Variants in CDH2 observed in about 807,000 individuals in gnomAD.
CDH2 encodes the protein cadherin-2.
CDH2 carries 17 observed loss-of-function variants against 92.0 expected under a neutral mutation model. That is an observed-to-expected ratio of 0.18 (90% CI 0.13 to 0.28). The LOEUF (loss-of-function observed/expected upper bound fraction) is 0.28, where lower values mean the gene tolerates loss of function less well. Among genes scored for constraint, CDH2 ranks in the 10% least tolerant of loss-of-function variants. CDH2 has a pLI of 1.00. For missense variants in CDH2, 862 were observed against 1,133.1 expected (o/e 0.76, Z 3.44); for synonymous variants, 419 against 415.9 (o/e 1.01, Z -0.09).
chr18:28,017,063 T>C (rs1235887512), intron 2 of CDH2, among the ~76,000 whole-genome samples: 2 of 152,102 alleles, frequency 1.3e-5, no homozygotes, highest in African/African-American at 2.4e-5. Flanking sequence ...ATGTTCATCA[T>C]TGCTCTGTTG....
intron 2 of CDH2, among the ~76,000 whole-genome samples, chr18:28,123,635 G>C (rs186293489): frequency 6.6e-6 from 1 of 152,086 alleles, no homozygotes; most frequent in Admixed American, 6.6e-5. Context: ...AATTTTGATC[G>C]TGCTTTAGAA....
At chr18:27,961,964 A>T (rs1484025545) in intron 15 of CDH2, among the ~76,000 whole-genome samples, 2 of 152,116 alleles carry the variant, frequency 1.3e-5, no homozygotes, top group Admixed American at 1.3e-4. Context: ...ATTAAAAAAA[A>T]ATTGTAAGGT....
chr18:28,076,995 T>G (rs1275054265), intron 2 of CDH2, among the ~76,000 whole-genome samples: 1 of 152,194 alleles, frequency 6.6e-6, no homozygotes. Flanking sequence ...ATCATTAGCA[T>G]AATTATCTTA....
chr18:28,098,631 A>C (rs1471408357), intron 2 of CDH2, among the ~76,000 whole-genome samples: 2 of 152,108 alleles, frequency 1.3e-5, no homozygotes, highest in Non-Finnish European at 2.9e-5. Context: ...TAGGAACACT[A>C]GACAGCACTT....
In CDH2 at chr18:27,945,460, T is replaced by C. The variant is rs182836593; in HGVS notation, c.1152-12336A>G. 3.3e-5 allele frequency among the ~76,000 whole-genome samples: 5 copies of C among 151,018 alleles called. No individual in the cohort carries two copies. The East Asian group carries it at 9.9e-4, about 30-fold the overall frequency. On this transcript the variant is annotated intron_variant, in intron 6 of 6. Coordinates refer to the CDH2 transcript ENST00000675173. ...GAGTCAAAAAAGTGACAGTTCAGGA[T>C]CACATGAACTCTAAGGTCTTCCAGT...
chr18:27,935,418 TA>T (rs1908994509), intron 6 of CDH2, among the ~76,000 whole-genome samples: 1 of 152,126 alleles, frequency 6.6e-6, no homozygotes, highest in African/African-American at 2.4e-5. Flanking sequence ...CAAGACAGCA[TA>T]GGGGGATAGT....
At chr18:28,036,493 G>C in intron 2 of CDH2, 1 of 1,592,506 alleles carries the variant, frequency 6.3e-7, no homozygotes, top group Non-Finnish European at 8.6e-7. Context: ...ATACAATTCT[G>C]CTTGGTTCTT....
At chr18:28,025,644 A>G (rs1052704209) in intron 2 of CDH2, among the ~76,000 whole-genome samples, 1 of 151,534 alleles carries the variant, frequency 6.6e-6, no homozygotes, top group African/African-American at 2.4e-5. Context: ...ATACATACTT[A>G]TAGGGTACAG....
chr18:28,020,321 T>A (rs971010662), intron 2 of CDH2, among the ~76,000 whole-genome samples: 1 of 152,044 alleles, frequency 6.6e-6, no homozygotes, highest in African/African-American at 2.4e-5. Context: ...AGTTATATAT[T>A]TTTTAGTTCA....
intron 2 of CDH2, among the ~76,000 whole-genome samples, chr18:28,078,971 G>A (rs139911576): frequency 1.8e-3 from 278 of 152,216 alleles, no homozygotes; most frequent in African/African-American, 5.2e-3. Flanking sequence ...ACTTTCAACT[G>A]TCATTATCTG....
chr18:28,031,111 G>C (rs1435345231), intron 2 of CDH2, among the ~76,000 whole-genome samples: 3 of 151,100 alleles, frequency 2.0e-5, no homozygotes, highest in Admixed American at 6.7e-5. Flanking sequence ...CTGCCTGCTT[G>C]CCATCTCCAC....
chr18:27,995,431 C>T (rs752093096), intron 7 of CDH2, among the ~76,000 whole-genome samples: 26 of 151,774 alleles, frequency 1.7e-4, no homozygotes, highest in South Asian at 6.2e-4. Flanking sequence ...GAGAGAATTT[C>T]GCAGGACATT....
At chr18:28,007,770 G>A (rs1445922258) in intron 5 of CDH2, among the ~76,000 whole-genome samples, 1 of 152,050 alleles carries the variant, frequency 6.6e-6, no homozygotes. Flanking sequence ...ACCCAGGCTG[G>A]AGGGTAAGAG....
At chr18:28,078,677 A>AT (rs5823582) in intron 2 of CDH2, among the ~76,000 whole-genome samples, 5,563 of 144,420 alleles carry the variant, frequency 0.039, 143 homozygotes, top group African/African-American at 0.072. Context: ...TTGTACATTG[A>AT]TTTTTTTTTT....
intron 1 of CDH2, among the ~76,000 whole-genome samples, chr18:28,175,765 A>G (rs1377500072): frequency 1.3e-5 from 2 of 152,146 alleles, no homozygotes; most frequent in Non-Finnish European, 2.9e-5. Flanking sequence ...CTGGCAGTAG[A>G]GCACCTCTCC....
chr18:28,060,196 A>G (rs1299578879), intron 2 of CDH2, among the ~76,000 whole-genome samples: 1 of 151,800 alleles, frequency 6.6e-6, no homozygotes, highest in Non-Finnish European at 1.5e-5. Flanking sequence ...CATCATTATT[A>G]TTATTTTTGA....
At chr18:28,157,986 T>TTA (rs1194755165) in intron 1 of CDH2, among the ~76,000 whole-genome samples, 1 of 152,186 alleles carries the variant, frequency 6.6e-6, no homozygotes, top group African/African-American at 2.4e-5. Context: ...AATGAACTCT[T>TTA]TATACACTTT....
In CDH2 at chr18:28,147,574, T is replaced by C. The variant is rs1243185123; in HGVS notation, c.172+99A>G. The C allele has an allele frequency of 2.3e-5, 15 of 652,096 alleles. 1 individual carries two copies. In the Admixed American group the frequency reaches 4.3e-4, roughly 19 times the overall value. The allele number at this position is 652,096 out of a possible 1,614,324, so 40.4% of individuals were successfully genotyped here. On this transcript the variant is annotated intron_variant, in intron 2 of 15. Coordinates refer to ENST00000269141, the MANE Select transcript of CDH2 (RefSeq NM_001792.5). ...CATCATAGTGATTGTGAAAAATTCATACTTGTTATACAGTAGAAATGATTT... is the reference window on the plus strand; with the variant it reads ...CATCATAGTGATTGTGAAAAATTCACACTTGTTATACAGTAGAAATGATTT...
At chr18:28,012,471 T>C in intron 3 of CDH2, among the ~76,000 whole-genome samples, 1 of 152,212 alleles carries the variant, frequency 6.6e-6, no homozygotes, top group East Asian at 1.9e-4. Flanking sequence ...ACAGAATTAA[T>C]GCTGTAATTA....
Sources: gnomAD v4.1 joint callset for allele counts (sites outside exome capture counted in the v4.1 genomes callset) on GRCh38, gnomAD v4.1.1 for gene constraint, MANE v1.5 for transcripts, NCBI Gene and HGNC (gene_info 2026-07-23, HGNC 2026-07-21) for gene names.